Variants in DNAH2 observed in about 807,000 individuals in gnomAD.
The protein encoded by DNAH2 is dynein axonemal heavy chain 2.
DNAH2 carries 323 observed loss-of-function variants against 523.5 expected under a neutral mutation model. The observed-to-expected ratio is 0.62, with a 90% CI of 0.56 to 0.68. DNAH2 has a LOEUF of 0.68. Among genes scored for constraint, DNAH2 ranks in the 30% least tolerant of loss-of-function variants. The probability of loss-of-function intolerance (pLI) is 0.00; values close to 1 mark genes in which losing one functional copy is unlikely to be tolerated. For missense variants in DNAH2, 4,907 were observed against 5,701.5 expected, an observed-to-expected ratio of 0.86 and a Z score of 4.49; for synonymous variants, 2,093 against 2,177.4, an observed-to-expected ratio of 0.96 and a Z score of 1.08.
At chr17:7,745,383 C>G (rs918044742) in intron 12 of DNAH2, among the ~76,000 whole-genome samples, 3 of 152,084 alleles carry the variant, frequency 2.0e-5, no homozygotes, top group South Asian at 4.1e-4. Context: ...AGGAGAGGAT[C>G]AGGAAAACTA....
At chr17:7,745,587 C>T (rs760576284) in intron 12 of DNAH2, among the ~76,000 whole-genome samples, 4 of 151,476 alleles carry the variant, frequency 2.6e-5, no homozygotes, top group Admixed American at 6.6e-5. Context: ...AAGGCCAAGG[C>T]GGGAGGATCG....
At chr17:7,734,363 G>A (rs2075080069) in intron 6 of DNAH2, 70 bp downstream of exon 6, 3 of 1,602,014 alleles carry the variant, frequency 1.9e-6, no homozygotes, top group Admixed American at 1.7e-5. Context: ...CTCGGATGCT[G>A]ACAATGGAGT....
chr17:7,770,961 T>A, intron 27 of DNAH2, 28 bp downstream of exon 27: 1 of 1,607,916 alleles, frequency 6.2e-7, no homozygotes, highest in South Asian at 1.1e-5. Flanking sequence ...GAGCTCTTCC[T>A]GCTTCCTGCT....
chr17:7,764,265 G>A lies in DNAH2; in HGVS notation c.3328G>A (p.Glu1110Lys), dbSNP rs191721380. ...TCTTGAAAAGTACGAGGTGCCAGTC[G>A]AGGACAGTGTGAGTTCCTTTGGTGT... ...AILEKYEVPV[E>K]DSVLEMLDSL... The change falls in exon 20 of 86, where the codon GAG becomes AAG. Residue 1110 changes from glutamate (E) to lysine (K), a missense_variant. Around this residue, in one of 3 missense-constraint regions of DNAH2, gnomAD observed 2,806 missense variants for 3,190.8 expected, o/e 0.88. Coordinates refer to ENST00000572933, the MANE Select transcript of DNAH2 (RefSeq NM_020877.5). 8.7e-6 allele frequency: 14 copies of A among 1,604,146 alleles called. No individual in the cohort carries two copies. The highest frequency in any genetic ancestry group is 6.7e-5 in the East Asian group (3 of 44,866).
In DNAH2 at chr17:7,793,215, G is replaced by C. The variant is rs373453666; in HGVS notation, c.7569+10G>C. The C allele has an allele frequency of 1.9e-5, 30 of 1,610,564 alleles. No homozygotes were observed. The highest frequency in any genetic ancestry group is 1.8e-4 in the East Asian group (8 of 44,788). On this transcript the variant is annotated intron_variant, in intron 48 of 85. Transcript: ENST00000572933. ...CATCAAGTACATTCGAGTAAGCCTC[G>C]CTAGAGTCTGTTCTTCAGGCCTCTG... is the stretch of plus-strand genomic sequence containing the variant.
intron 72 of DNAH2, among the ~76,000 whole-genome samples, chr17:7,819,875 T>A (rs1321756898): frequency 1.3e-5 from 2 of 152,134 alleles, no homozygotes; most frequent in East Asian, 3.9e-4. Flanking sequence ...CAGATCAAAC[T>A]CATTCTCTTC....
Position 7,821,395 on chromosome 17 carries a change from A to C in DNAH2, c.11142+26A>C. On this transcript the variant is annotated intron_variant, in intron 73 of 85. Transcript: ENST00000572933. This position sits in a 1 kb window ranked among gnomAD's most constrained non-coding sequence, Gnocchi z 5.0. ...GTGAGTTGGGCAGAGAGCACATCCC[A>C]GGATGGGATGGTCAAGGTTGGGGAT... 6.2e-7 allele frequency: 1 copy of C among 1,605,484 alleles called. No individual in the cohort carries two copies.
At chr17:7,741,236 CTCTTTCTTTCTTTCTTTCTT>C (rs71387996) in intron 11 of DNAH2, among the ~76,000 whole-genome samples, 11 of 85,666 alleles carry the variant, frequency 1.3e-4, no homozygotes, top group East Asian at 9.7e-4. Flanking sequence ...TTTTCTCTCT[CTCTTTCTTTCTTTCTTTCTT>C]TCTTTCTTTC....
chr17:7,763,799 A>G, intron 18 of DNAH2, 32 bp from the exon 19 acceptor site: 1 of 1,612,640 alleles, frequency 6.2e-7, no homozygotes, highest in East Asian at 2.2e-5. Flanking sequence ...CAAAGAAAAC[A>G]ACATCCTAGC....
Position 7,792,075 on chromosome 17 carries a change from G to A in DNAH2, c.7053+6G>A, listed in dbSNP as rs2076912412. 6.2e-7 allele frequency: 1 copy of A among 1,612,874 alleles called. No individual in the cohort carries two copies. Among genetic ancestry groups the A allele is most frequent in the Non-Finnish European group, 8.5e-7 (1 of 1,179,736 alleles). On this transcript the variant is annotated splice_donor_region_variant and intron_variant, in intron 45 of 85. Coordinates refer to ENST00000572933, the MANE Select transcript of DNAH2 (RefSeq NM_020877.5). ...AGGGCTCCTTTCCCAATAAGGTTGGGCGCACACCTGGCTGTCCTATTTGCC... is the reference window on the plus strand; with the variant it reads ...AGGGCTCCTTTCCCAATAAGGTTGGACGCACACCTGGCTGTCCTATTTGCC...
rs2077095677 is a variant in DNAH2 at position 7,797,391 on chromosome 17, T to C, written c.7950-9T>C. ...ATTCCCCGATCTCACCCCAGTTCCCTGCCCACAGAGTCTTCTCTGACCGGC... is the reference window on the plus strand; with the variant it reads ...ATTCCCCGATCTCACCCCAGTTCCCCGCCCACAGAGTCTTCTCTGACCGGC... On this transcript the variant is annotated splice_polypyrimidine_tract_variant and intron_variant, in intron 51 of 85. Transcript: ENST00000572933. The C allele has an allele frequency of 6.2e-7, 1 of 1,614,152 alleles. No individual in the cohort carries two copies. The highest frequency in any genetic ancestry group is 8.5e-7 in the Non-Finnish European group (1 of 1,180,032).
chr17:7,825,348 A>T lies in DNAH2; in HGVS notation c.11853+621A>T, dbSNP rs151304017. On this transcript the variant is annotated intron_variant, in intron 77 of 85. Coordinates refer to ENST00000572933, the MANE Select transcript of DNAH2 (RefSeq NM_020877.5). ...TTCATTGCGCTTAGTTGAGATCAAA[A>T]TCCTTTTTGCTCACCCTGTGAAAAG... 8.0e-4 allele frequency among the ~76,000 whole-genome samples: 122 copies of T among 152,292 alleles called. 1 individual carries two copies. The highest frequency in any genetic ancestry group is 6.8e-3 in the Middle Eastern group (2 of 294).
At chr17:7,773,571 G>A (rs1448299626) in intron 28 of DNAH2, among the ~76,000 whole-genome samples, 4 of 152,054 alleles carry the variant, frequency 2.6e-5, no homozygotes, top group Non-Finnish European at 5.9e-5. Flanking sequence ...GTTTCTGTTC[G>A]TGTCTCCCTC....
chr17:7,746,993 T>TAAAA (rs768828946), intron 12 of DNAH2, among the ~76,000 whole-genome samples: 1 of 100,398 alleles, frequency 1.0e-5, no homozygotes. Context: ...ATCTCAAAAT[T>TAAAA]AAAAAAAAAA....
In DNAH2 at chr17:7,754,420, C is replaced by G. The variant is rs767904252; in HGVS notation, c.1905-2671C>G. The G allele has an allele frequency of 1.2e-5, 8 of 646,930 alleles. No individual in the cohort carries two copies. The highest frequency in any genetic ancestry group is 1.9e-5 in the Non-Finnish European group (7 of 363,550). The allele number at this position is 646,930 out of a possible 1,614,324, so 40.1% of individuals were successfully genotyped here. Reference sequence around the variant, plus strand: ...TGGCCAAGTCCACACCATACACCACCAGTCCCGAAAATGGCACAGAAATGG... The same window carrying G: ...TGGCCAAGTCCACACCATACACCACGAGTCCCGAAAATGGCACAGAAATGG... On this transcript the variant is annotated intron_variant, in intron 12 of 85. Transcript: ENST00000572933. The surrounding 1 kb of genome is among the most constrained non-coding windows in gnomAD (Gnocchi z 4.6).
chr17:7,763,773 A>G (rs985365496), intron 18 of DNAH2, 58 bp from the exon 19 acceptor site: 5 of 1,600,296 alleles, frequency 3.1e-6, no homozygotes, highest in Non-Finnish European at 4.3e-6. Flanking sequence ...CCGTGTGGGG[A>G]CAGAGGGTAT....
chr17:7,832,632 T>C lies in DNAH2; in HGVS notation c.12780T>C (p.Arg4260=), dbSNP rs747329295. 1 of 1,614,018 alleles carries C rather than the reference T, an allele frequency of 6.2e-7. No individual in the cohort carries two copies. The highest frequency in any genetic ancestry group is 1.1e-5 in the South Asian group (1 of 91,072). The change falls in exon 83 of 86, where the codon CGT becomes CGC. Residue 4260 remains arginine (R), a synonymous_variant. Transcript: ENST00000572933. The surrounding 1 kb of genome is among the most constrained non-coding windows in gnomAD (Gnocchi z 4.3). ...CCTGGACCCGGGACTTGGCCATGCG[T>C]GTGGAGCAGTTTGAGCTGTGGGCCA... The part of the protein sequence containing the change: ...LAAWTRDLAM[R]VEQFELWASR...
chr17:7,775,163 C>T (rs2076414625), intron 29 of DNAH2, 78 bp from the exon 30 acceptor site: 1 of 1,459,294 alleles, frequency 6.9e-7, no homozygotes, highest in East Asian at 2.4e-5. Flanking sequence ...CAGTAATTAT[C>T]CTCAAAAGGC....
chr17:7,743,278 C>CT lies in DNAH2; in HGVS notation c.1904+146dup, dbSNP rs564117935. 3,506 of 941,068 alleles carry CT rather than the reference C, an allele frequency of 3.7e-3. No individual in the cohort carries two copies. The highest frequency in any genetic ancestry group is 4.7e-3 in the Non-Finnish European group (2,927 of 618,204). The allele number at this position is 941,068 out of a possible 1,614,324, so 58.3% of individuals were successfully genotyped here. On this transcript the variant is annotated intron_variant, in intron 12 of 85. Coordinates refer to ENST00000572933, the MANE Select transcript of DNAH2 (RefSeq NM_020877.5). ...CAATATGTTTGCTATCGTCATTTTA[C>CT]TTTTTTTTTTCTTCTTTTATTTTTG...
Sources: allele counts gnomAD v4.1 joint callset (sites outside exome capture counted in the v4.1 genomes callset), GRCh38; gene constraint gnomAD v4.1.1; regional missense constraint gnomAD v4.1.1; non-coding constraint Gnocchi (gnomAD v3.1); transcripts MANE v1.5; gene names NCBI Gene and HGNC (gene_info 2026-07-23, HGNC 2026-07-21).